The following ADORA2B variants were observed in gnomAD, a reference collection of about 807,000 sequenced individuals.
ADORA2B encodes the protein adenosine A2b receptor.
Under a neutral mutation model 20.8 loss-of-function variants are expected in ADORA2B, and 18 were observed. The ratio of observed to expected loss-of-function variants is 0.87; its 90% CI spans 0.60 to 1.29. ADORA2B has a LOEUF of 1.29. Ranked by LOEUF, ADORA2B falls within the 50% of genes most tolerant of loss-of-function variation. The pLI is 0.00. For missense variants in ADORA2B, 441 were observed against 422.7 expected, an observed-to-expected ratio of 1.04 and a Z score of -0.38; for synonymous variants, 179 against 178.3, an observed-to-expected ratio of 1.00 and a Z score of -0.03.
chr17:15,962,084 C>T (rs547764629), intron 1 of ADORA2B, among the ~76,000 whole-genome samples: 35 of 152,282 alleles, frequency 2.3e-4, no homozygotes, highest in African/African-American at 8.2e-4. Context: ...GGGTGGATCA[C>T]TTGAGGTCAG....
chr17:15,962,259 C>T (rs1283964491), intron 1 of ADORA2B, among the ~76,000 whole-genome samples: 4 of 151,976 alleles, frequency 2.6e-5, no homozygotes, highest in Non-Finnish European at 5.9e-5. Flanking sequence ...GCCAAGATCG[C>T]GCCACTGCAC....
the ADORA2B span, among the ~76,000 whole-genome samples, chr17:15,863,620 C>T: frequency 6.6e-6 from 1 of 152,122 alleles, no homozygotes; most frequent in Non-Finnish European, 1.5e-5. Context: ...TTCCAAAGTG[C>T]TGGGATTACA....
chr17:15,935,427 A>C, the ADORA2B span, among the ~76,000 whole-genome samples: 1 of 152,074 alleles, frequency 6.6e-6, no homozygotes, highest in African/African-American at 2.4e-5. Flanking sequence ...TGTTAATCTT[A>C]TTGAGGGTTC....
intron 1 of ADORA2B, among the ~76,000 whole-genome samples, chr17:15,965,980 G>C (rs1488529789): frequency 2.0e-5 from 3 of 152,180 alleles, no homozygotes; most frequent in Non-Finnish European, 4.4e-5. Context: ...TGCCTGCCTG[G>C]GTGTCCCAAA....
upstream of ADORA2B, among the ~76,000 whole-genome samples, chr17:15,940,822 A>C (rs957541972): frequency 2.6e-5 from 4 of 152,236 alleles, no homozygotes; most frequent in African/African-American, 9.6e-5. Flanking sequence ...ACTTCACCTC[A>C]TGATAAACGG....
At chr17:15,911,785 T>A in the ADORA2B span, among the ~76,000 whole-genome samples, 8 of 152,146 alleles carry the variant, frequency 5.3e-5, no homozygotes, top group African/African-American at 1.9e-4. Flanking sequence ...ACGTGGTGGG[T>A]GGGCATGGTG....
At chr17:15,880,421 G>A in the ADORA2B span, among the ~76,000 whole-genome samples, 1 of 139,480 alleles carries the variant, frequency 7.2e-6, no homozygotes, top group Non-Finnish European at 1.5e-5. Context: ...TGGAGGCAGG[G>A]TCTGGGCCCA....
At chr17:15,872,249 T>C in the ADORA2B span, among the ~76,000 whole-genome samples, 2 of 152,236 alleles carry the variant, frequency 1.3e-5, no homozygotes, top group South Asian at 4.1e-4. Context: ...CTATACACTT[T>C]AAACTGGTTT....
the ADORA2B span, among the ~76,000 whole-genome samples, chr17:15,870,751 T>C: frequency 6.6e-6 from 1 of 152,262 alleles, no homozygotes; most frequent in Non-Finnish European, 1.5e-5. Context: ...CCTGGGGCTC[T>C]GTTTCTTGTC....
the ADORA2B span, among the ~76,000 whole-genome samples, chr17:15,920,719 C>CAA: frequency 3.9e-3 from 344 of 89,328 alleles, 2 homozygotes; most frequent in African/African-American, 9.0e-3. Flanking sequence ...GACTCCGTCT[C>CAA]AAAAAAAAAA....
At chr17:15,863,189 A>G in the ADORA2B span, among the ~76,000 whole-genome samples, 2 of 152,202 alleles carry the variant, frequency 1.3e-5, no homozygotes, top group Non-Finnish European at 2.9e-5. Context: ...CAGGAAGGCT[A>G]TGGGTATATT....
chr17:15,891,256 G>A, the ADORA2B span, among the ~76,000 whole-genome samples: 1 of 152,192 alleles, frequency 6.6e-6, no homozygotes, highest in Non-Finnish European at 1.5e-5. Context: ...GACAGAGTGA[G>A]ACTCTGTCTC....
the ADORA2B span, among the ~76,000 whole-genome samples, chr17:15,935,276 T>C: frequency 6.6e-6 from 1 of 151,672 alleles, no homozygotes; most frequent in East Asian, 1.9e-4. Context: ...GTTTATCTAC[T>C]CTCTTAATAT....
chr17:15,869,515 G>T, the ADORA2B span, among the ~76,000 whole-genome samples: 1 of 152,082 alleles, frequency 6.6e-6, no homozygotes, highest in African/African-American at 2.4e-5. Flanking sequence ...TTTGGAGGTG[G>T]AAAATCTGAA....
In ADORA2B at chr17:15,975,032, T is replaced by G; in HGVS notation, c.689T>G (p.Ile230Ser). ...DHSRTTLQRE[I>S]HAAKSLAMIV... ...TCGAGGACCACCCTCCAGCGGGAGA[T>G]CCATGCAGCCAAGTCACTGGCCATG... is the stretch of plus-strand genomic sequence containing the variant. The change falls in exon 2 of 2, where the codon ATC becomes AGC. Residue 230 changes from isoleucine to serine, a missense_variant. Physicochemically the swap from Ile to Ser is moderately radical, Grantham distance 142 (BLOSUM62 -2). Transcript: ENST00000304222. 1 of 1,614,126 alleles carries G rather than the reference T, an allele frequency of 6.2e-7. No individual in the cohort carries two copies. The highest frequency in any genetic ancestry group is 1.1e-5 in the South Asian group (1 of 91,076).
the ADORA2B span, among the ~76,000 whole-genome samples, chr17:15,934,017 A>G: frequency 6.6e-6 from 1 of 151,962 alleles, no homozygotes; most frequent in South Asian, 2.1e-4. Context: ...TATCAGGTTG[A>G]AGATATTTCT....
chr17:15,879,540 C>CTT, the ADORA2B span, among the ~76,000 whole-genome samples: 13 of 139,454 alleles, frequency 9.3e-5, no homozygotes, highest in African/African-American at 2.7e-4. Flanking sequence ...AAAGGATTTT[C>CTT]TTTTTTTTTT....
At chr17:15,908,949 C>T in the ADORA2B span, among the ~76,000 whole-genome samples, 1 of 152,058 alleles carries the variant, frequency 6.6e-6, no homozygotes, top group Non-Finnish European at 1.5e-5. Context: ...AACACATCAT[C>T]TGCACAGAGC....
At chr17:15,851,033 T>A in the ADORA2B span, among the ~76,000 whole-genome samples, 1 of 152,324 alleles carries the variant, frequency 6.6e-6, no homozygotes, top group South Asian at 2.1e-4. Context: ...AAATGATTCC[T>A]TTTTGTAAAG....
Sources: gnomAD v4.1 joint callset for allele counts (sites outside exome capture counted in the v4.1 genomes callset) on GRCh38, gnomAD v4.1.1 for gene constraint, MANE v1.5 for transcripts, NCBI Gene and HGNC (gene_info 2026-07-23, HGNC 2026-07-21) for gene names.